PDE3A: variants seen among roughly 807,000 people sequenced by gnomAD.
The protein encoded by PDE3A is cGMP-inhibited 3',5'-cyclic phosphodiesterase 3A.
In PDE3A, 43 loss-of-function variants were observed where a neutral mutation model predicts 98.3. The ratio of observed to expected loss-of-function variants is 0.44; its 90% CI spans 0.34 to 0.56. The LOEUF (loss-of-function observed/expected upper bound fraction) is 0.56. Among genes scored for constraint, PDE3A ranks in the 20% least tolerant of loss-of-function variants. The pLI, the probability that PDE3A is intolerant of heterozygous loss-of-function variation, is 0.01. For missense variants in PDE3A, 1,427 were observed against 1,440.7 expected (o/e 0.99, Z 0.15); for synonymous variants, 663 against 567.9 (o/e 1.17, Z -2.38).
intron 1 of PDE3A, among the ~76,000 whole-genome samples, chr12:20,501,912 A>T (rs1946032873): frequency 6.6e-6 from 1 of 152,128 alleles, no homozygotes; most frequent in African/African-American, 2.4e-5. Flanking sequence ...TCCTGATATG[A>T]TATTAAATAT....
intron 1 of PDE3A, among the ~76,000 whole-genome samples, chr12:20,372,686 A>C (rs1044512089): frequency 6.6e-6 from 1 of 152,158 alleles, no homozygotes; most frequent in South Asian, 2.1e-4. Flanking sequence ...ACATCAAAAT[A>C]ATTATAAAAT....
At chr12:20,668,057 T>C (rs1945366540) in intron 15 of PDE3A, among the ~76,000 whole-genome samples, 1 of 152,148 alleles carries the variant, frequency 6.6e-6, no homozygotes, top group African/African-American at 2.4e-5. Flanking sequence ...GGTCAGGGAG[T>C]TCCCTTTCCC....
Position 20,369,788 on chromosome 12 carries a change from C to T in PDE3A, c.504C>T (p.Cys168=). 1.2e-6 allele frequency: 2 copies of T among 1,612,330 alleles called. No homozygotes were observed. Among genetic ancestry groups the T allele is most frequent in the South Asian group, 1.1e-5 (1 of 90,972 alleles). The part of the protein sequence containing the change: ...PLAVALLAAC[C]GGEALVQIGL... ...CTGTCGCGCTGCTGGCCGCCTGCTG[C>T]GGGGGGGAAGCGCTCGTCCAGATTG... The change falls in exon 1 of 16, where the codon TGC becomes TGT. Residue 168 remains cysteine, a synonymous_variant. Transcript: ENST00000359062.
chr12:20,369,757 C>G lies in PDE3A; in HGVS notation c.473C>G (p.Pro158Arg). 6.2e-7 allele frequency: 1 copy of G among 1,612,638 alleles called. No homozygotes were observed. Among genetic ancestry groups the G allele is most frequent in the Non-Finnish European group, 8.5e-7 (1 of 1,179,784 alleles). ...LYLLRAGVRL[P>R]LAVALLAACC... The stretch of plus-strand genomic sequence containing the variant: ...CTCCTGCGCGCCGGGGTGCGCCTGC[C>G]TCTGGCTGTCGCGCTGCTGGCCGCC... The change falls in exon 1 of 16, where the codon CCT (proline) becomes CGT (arginine). Residue 158 changes from proline to arginine, a missense_variant. Physicochemically the swap from Pro to Arg is moderately radical, Grantham distance 103. This residue lies in a region of PDE3A where 1,012 missense variants were observed against 886.5 expected (regional missense o/e 1.14). Coordinates refer to ENST00000359062, the MANE Select transcript of PDE3A (RefSeq NM_000921.5).
intron 3 of PDE3A, 118 bp downstream of exon 3, chr12:20,613,818 T>C (rs1943931509): frequency 1.4e-6 from 1 of 700,620 alleles, no homozygotes; most frequent in Non-Finnish European, 2.4e-6. Flanking sequence ...TCAGGCAAAA[T>C]GTGTTGATCG....
intron 15 of PDE3A, among the ~76,000 whole-genome samples, chr12:20,668,422 G>T (rs1230326388): frequency 6.6e-6 from 1 of 152,084 alleles, no homozygotes; most frequent in African/African-American, 2.4e-5. Context: ...AAAGACAGCA[G>T]TAACCTCTGC....
intron 2 of PDE3A, among the ~76,000 whole-genome samples, chr12:20,567,039 C>T (rs944834748): frequency 6.6e-6 from 1 of 151,752 alleles, no homozygotes; most frequent in Non-Finnish European, 1.5e-5. Flanking sequence ...AAATGTAATC[C>T]TAGGACAATT....
intron 15 of PDE3A, among the ~76,000 whole-genome samples, chr12:20,663,558 C>A (rs566526139): frequency 2.0e-5 from 3 of 152,314 alleles, no homozygotes; most frequent in Admixed American, 6.5e-5. Context: ...CAAAGGAGAT[C>A]ATTTTTTAAC....
chr12:20,376,351 G>A (rs1003282840), intron 1 of PDE3A, among the ~76,000 whole-genome samples: 3 of 152,022 alleles, frequency 2.0e-5, no homozygotes, highest in Non-Finnish European at 4.4e-5. Flanking sequence ...GGAAACAGTA[G>A]GAAAGGAGTC....
chr12:20,678,369 A>C (rs2120481516), intron 15 of PDE3A, among the ~76,000 whole-genome samples: 1 of 148,712 alleles, frequency 6.7e-6, no homozygotes, highest in African/African-American at 2.5e-5. Flanking sequence ...TTACCTACTC[A>C]CTCCATTGGT....
chr12:20,392,820 T>C (rs567648133), intron 1 of PDE3A, among the ~76,000 whole-genome samples: 1 of 152,136 alleles, frequency 6.6e-6, no homozygotes, highest in South Asian at 2.1e-4. Flanking sequence ...AATACTGTCA[T>C]TTGCAGCAAC....
At chr12:20,490,237 G>A (rs757657074) in intron 1 of PDE3A, among the ~76,000 whole-genome samples, 7 of 152,072 alleles carry the variant, frequency 4.6e-5, no homozygotes, top group Non-Finnish European at 1.0e-4. Flanking sequence ...TGTAGTGTCA[G>A]GAAAACATAT....
rs781591166 is a variant in PDE3A at position 20,665,955 on chromosome 12, ATTTCT to A, written c.3184+11754_3184+11758del. Among the ~76,000 whole-genome samples, 80 of 123,422 alleles carry A rather than the reference ATTTCT, an allele frequency of 6.5e-4. 1 individual carries two copies. The highest frequency in any genetic ancestry group is 2.0e-3 in the African/African-American group (67 of 33,332). The allele number at this position is 123,422 out of a possible 152,430, so 81.0% of individuals were successfully genotyped here. ...ATATCTGTCACCTCGAGTATTTGTC[ATTTCT>A]TTTTTTTTTTTTTTTTTTTTTGAGA... On this transcript the variant is annotated intron_variant, in intron 15 of 15. Transcript: ENST00000359062.
intron 1 of PDE3A, among the ~76,000 whole-genome samples, chr12:20,489,295 A>T (rs1164198118): frequency 6.6e-6 from 1 of 152,186 alleles, no homozygotes; most frequent in Admixed American, 6.6e-5. Context: ...CCTAGTGAAG[A>T]CTGAGTCTGG....
chr12:20,553,850 G>A (rs1416004179), intron 1 of PDE3A, among the ~76,000 whole-genome samples: 2 of 151,876 alleles, frequency 1.3e-5, no homozygotes, highest in African/African-American at 2.4e-5. Context: ...TATTGAAAAT[G>A]TCAACCAGAT....
Position 20,585,727 on chromosome 12 carries a change from CTTAAG to C in PDE3A, c.1012-27712_1012-27708del, listed in dbSNP as rs1350596218. On this transcript the variant is annotated intron_variant, in intron 2 of 15. Coordinates refer to ENST00000359062, the MANE Select transcript of PDE3A (RefSeq NM_000921.5). Reference sequence around the variant, plus strand: ...TAAATTCTCATTGTTCTCCTTCAGCCTTAAGTTATCTTTTGAGTGCTTTATTTTTT... The same window carrying C: ...TAAATTCTCATTGTTCTCCTTCAGCCTTATCTTTTGAGTGCTTTATTTTTT... Among the ~76,000 whole-genome samples the C allele has an allele frequency of 5.3e-5, 8 of 152,284 alleles. No homozygotes were observed. In the East Asian group the frequency reaches 7.7e-4, roughly 15 times the overall value.
chr12:20,613,741 T>C, intron 3 of PDE3A, 41 bp downstream of exon 3: 1 of 1,537,338 alleles, frequency 6.5e-7, no homozygotes, highest in South Asian at 1.1e-5. Context: ...TTAAACTATT[T>C]TTTTTAATTG....
intron 2 of PDE3A, among the ~76,000 whole-genome samples, chr12:20,567,614 C>G (rs1423140867): frequency 6.6e-6 from 1 of 151,758 alleles, no homozygotes; most frequent in Non-Finnish European, 1.5e-5. Context: ...GTGACTACTC[C>G]CCCCCACTTC....
chr12:20,559,450 C>T (rs1310838725), intron 2 of PDE3A, among the ~76,000 whole-genome samples: 3 of 151,134 alleles, frequency 2.0e-5, no homozygotes, highest in African/African-American at 7.3e-5. Flanking sequence ...CCAGCCTGTC[C>T]AACATGGTGA....
Sources: allele counts gnomAD v4.1 joint callset (sites outside exome capture counted in the v4.1 genomes callset), GRCh38; gene constraint gnomAD v4.1.1; regional missense constraint gnomAD v4.1.1; transcripts MANE v1.5; gene names NCBI Gene and HGNC (gene_info 2026-07-23, HGNC 2026-07-21).